FNIP1: variants seen among roughly 807,000 people sequenced by gnomAD.
FNIP1 encodes the protein folliculin-interacting protein 1.
In FNIP1, 40 loss-of-function variants were observed where a neutral mutation model predicts 124.5. The observed-to-expected ratio is 0.32, with a 90% CI of 0.25 to 0.42. FNIP1 has a LOEUF of 0.42. Among genes scored for constraint, FNIP1 ranks in the 10% least tolerant of loss-of-function variants. FNIP1 has a pLI of 1.00. For synonymous variants in FNIP1, 472 were observed against 470.6 expected, an observed-to-expected ratio of 1.00 and a Z score of -0.04; for missense variants, 1,176 against 1,403.7, an observed-to-expected ratio of 0.84 and a Z score of 2.59.
chr5:131,722,517 T>C (rs1250090909), intron 3 of FNIP1, among the ~76,000 whole-genome samples: 4 of 152,238 alleles, frequency 2.6e-5, no homozygotes, highest in Admixed American at 6.5e-5. Context: ...AGCTGCACAC[T>C]GTTTTTCGTT....
chr5:131,690,038 G>C (rs1768422798), intron 11 of FNIP1, among the ~76,000 whole-genome samples: 1 of 152,000 alleles, frequency 6.6e-6, no homozygotes, highest in Non-Finnish European at 1.5e-5. Context: ...GGCTAACACG[G>C]TGAAACCCCA....
chr5:131,737,713 G>C (rs1478703240), intron 2 of FNIP1, among the ~76,000 whole-genome samples: 1 of 152,138 alleles, frequency 6.6e-6, no homozygotes, highest in African/African-American at 2.4e-5. Context: ...AAGTGCTAAC[G>C]TGAGTTAGCT....
At chr5:131,754,704 T>C (rs1275671720) in intron 1 of FNIP1, among the ~76,000 whole-genome samples, 1 of 152,188 alleles carries the variant, frequency 6.6e-6, no homozygotes, top group Non-Finnish European at 1.5e-5. Flanking sequence ...TCAACAGACA[T>C]AACCAGTTCA....
chr5:131,734,537 G>A (rs1250066873), intron 2 of FNIP1, among the ~76,000 whole-genome samples: 3 of 152,162 alleles, frequency 2.0e-5, no homozygotes, highest in East Asian at 1.9e-4. Context: ...TACAGAATGG[G>A]AGAAAATTTT....
intron 1 of FNIP1, among the ~76,000 whole-genome samples, chr5:131,769,311 T>C (rs1352214407): frequency 2.0e-5 from 3 of 152,210 alleles, no homozygotes; most frequent in African/African-American, 7.2e-5. Flanking sequence ...TAACTTTCAA[T>C]AAAATAAGTA....
At chr5:131,746,143 G>C (rs533695365) in intron 1 of FNIP1, among the ~76,000 whole-genome samples, 51 of 152,282 alleles carry the variant, frequency 3.3e-4, no homozygotes, top group South Asian at 2.5e-3. Flanking sequence ...AGAAGGGAAA[G>C]AGAAAACAAA....
chr5:131,694,022 C>A (rs1768605994), intron 11 of FNIP1, among the ~76,000 whole-genome samples: 1 of 152,092 alleles, frequency 6.6e-6, no homozygotes, highest in Non-Finnish European at 1.5e-5. Context: ...AATAATGATA[C>A]ATCACTACCT....
intron 1 of FNIP1, among the ~76,000 whole-genome samples, chr5:131,793,472 C>G (rs1256435657): frequency 2.0e-5 from 3 of 152,116 alleles, no homozygotes; most frequent in African/African-American, 7.2e-5. Context: ...ATGGAGAAAA[C>G]AAATTACTGT....
intron 6 of FNIP1, among the ~76,000 whole-genome samples, chr5:131,714,653 G>C (rs558216594): frequency 8.7e-4 from 132 of 152,076 alleles, no homozygotes; most frequent in African/African-American, 3.0e-3. Flanking sequence ...GTCTGTGTAC[G>C]TACCACTGCT....
At chr5:131,674,576 G>T (rs1401476562) in intron 13 of FNIP1, among the ~76,000 whole-genome samples, 1 of 152,016 alleles carries the variant, frequency 6.6e-6, no homozygotes, top group African/African-American at 2.4e-5. Flanking sequence ...AAATTAGCTG[G>T]GCATGGTGGC....
chr5:131,682,792 T>C (rs192760007), intron 11 of FNIP1, among the ~76,000 whole-genome samples: 1 of 152,286 alleles, frequency 6.6e-6, no homozygotes, highest in Non-Finnish European at 1.5e-5. Flanking sequence ...TTGTGCCCTA[T>C]CATTCAATGG....
intron 2 of FNIP1, among the ~76,000 whole-genome samples, chr5:131,736,520 C>A (rs1038815338): frequency 6.6e-6 from 1 of 152,180 alleles, no homozygotes; most frequent in Non-Finnish European, 1.5e-5. Flanking sequence ...AGTCCATGGC[C>A]TGTTAGGAAC....
intron 11 of FNIP1, among the ~76,000 whole-genome samples, chr5:131,689,967 T>A (rs1768419262): frequency 6.6e-6 from 1 of 152,132 alleles, no homozygotes; most frequent in Admixed American, 6.5e-5. Flanking sequence ...ACGCCTGTAA[T>A]CCTAGCACTT....
At chr5:131,692,302 G>C (rs1768507769) in intron 11 of FNIP1, among the ~76,000 whole-genome samples, 1 of 152,014 alleles carries the variant, frequency 6.6e-6, no homozygotes, top group Admixed American at 6.6e-5. Flanking sequence ...TTTACATTAG[G>C]TTCCCTCCCC....
At chr5:131,686,518 G>C (rs556351626) in intron 11 of FNIP1, among the ~76,000 whole-genome samples, 4 of 152,048 alleles carry the variant, frequency 2.6e-5, no homozygotes, top group African/African-American at 9.7e-5. Flanking sequence ...TGGCTACTTC[G>C]AAAATTTTTA....
At chr5:131,651,602 C>A (rs572557274) in intron 16 of FNIP1, among the ~76,000 whole-genome samples, 200 bp downstream of exon 16, 1 of 152,232 alleles carries the variant, frequency 6.6e-6, no homozygotes, top group East Asian at 1.9e-4. Flanking sequence ...GAGCACCCCA[C>A]CCTCAAGATC....
At chr5:131,764,903 G>A (rs1771367225) in intron 1 of FNIP1, among the ~76,000 whole-genome samples, 1 of 152,020 alleles carries the variant, frequency 6.6e-6, no homozygotes, top group Non-Finnish European at 1.5e-5. Context: ...CTTCCTTAAA[G>A]GTAAGTAGAA....
intron 1 of FNIP1, among the ~76,000 whole-genome samples, chr5:131,780,325 C>G (rs1395047896): frequency 6.6e-6 from 1 of 152,084 alleles, no homozygotes; most frequent in Non-Finnish European, 1.5e-5. Context: ...CAGGATTCAT[C>G]TCAGAACCCA....
rs1163570792 is a variant in FNIP1, at chr5:131,644,233, T to C, written c.*452A>G. The C allele has an allele frequency of 6.5e-6, 1 of 152,684 alleles. No individual in the cohort carries two copies. Among genetic ancestry groups the C allele is most frequent in the Admixed American group, 6.5e-5 (1 of 15,282 alleles). 9.5% of individuals were successfully genotyped at this position (152,684 alleles called of 1,614,324 possible). ...ATAACCAGACATTAGCTGTTTTGAATTGCAAAACTAACAAATAATCAAGGT... is the reference window on the plus strand; with the variant it reads ...ATAACCAGACATTAGCTGTTTTGAACTGCAAAACTAACAAATAATCAAGGT... On this transcript the variant is annotated 3_prime_UTR_variant, in exon 18 of 18. Coordinates refer to ENST00000510461, the MANE Select transcript of FNIP1 (RefSeq NM_133372.3).
Sources: allele counts gnomAD v4.1 joint callset (sites outside exome capture counted in the v4.1 genomes callset), GRCh38; gene constraint gnomAD v4.1.1; transcripts MANE v1.5; gene names NCBI Gene and HGNC (gene_info 2026-07-23, HGNC 2026-07-21).